The following FAM98B variants were observed in gnomAD, a reference collection of about 807,000 sequenced individuals.
The protein encoded by FAM98B is tRNA-splicing ligase complex subunit FAM98B.
A neutral mutation model predicts 43.9 loss-of-function variants in FAM98B; 32 were observed. That is an observed-to-expected ratio of 0.73 (90% confidence interval 0.55 to 0.98). The LOEUF (loss-of-function observed/expected upper bound fraction) is 0.98, where lower values mean the gene tolerates loss of function less well. Ranked by LOEUF, FAM98B falls within the 50% of genes least tolerant of loss-of-function variation. The pLI, the probability that FAM98B is intolerant of heterozygous loss-of-function variation, is 0.00. For missense variants in FAM98B, 514 were observed against 522.9 expected (o/e 0.98, Z 0.17); for synonymous variants, 190 against 174.0 (o/e 1.09, Z -0.72).
chr15:38,457,535 G>A (rs979891315), intron 1 of FAM98B, among the ~76,000 whole-genome samples: 2 of 152,110 alleles, frequency 1.3e-5, no homozygotes, highest in Non-Finnish European at 2.9e-5. Flanking sequence ...TGTGGTCAGG[G>A]AGCCACATGT....
chr15:38,473,370 G>A, intron 4 of FAM98B, 135 bp from the exon 5 acceptor site: 1 of 595,152 alleles, frequency 1.7e-6, no homozygotes, highest in Non-Finnish European at 2.9e-6. Context: ...TGGTATTCTG[G>A]TATATGATGG....
intron 6 of FAM98B, among the ~76,000 whole-genome samples, chr15:38,477,358 C>G (rs560600211): frequency 6.6e-6 from 1 of 151,586 alleles, no homozygotes; most frequent in Non-Finnish European, 1.5e-5. Context: ...AGCATGTCAC[C>G]AGGGGTTGGA....
At position 38,487,448 on chromosome 15, in the gene FAM98B, T is replaced by A. The variant is rs1890395713; in HGVS notation, c.*2789T>A. 6.6e-6 allele frequency: 1 copy of A among 152,210 alleles called. No homozygotes were observed. The highest frequency in any genetic ancestry group is 2.1e-4 in the South Asian group (1 of 4,834). 9.4% of individuals were successfully genotyped at this position (152,210 alleles called of 1,614,324 possible). ...GGAAGGTGAGCAGGCAGTTTAATCT[T>A]GCCTTCAGGATCAGGCTGTCAGTGT... On this transcript the variant is annotated 3_prime_UTR_variant, in exon 8 of 8. Coordinates refer to ENST00000397609, the MANE Select transcript of FAM98B (RefSeq NM_173611.4).
intron 1 of FAM98B, among the ~76,000 whole-genome samples, chr15:38,454,871 T>G (rs567348704): frequency 1.1e-4 from 17 of 152,234 alleles, no homozygotes; most frequent in Non-Finnish European, 2.1e-4. Context: ...GCTGCAAGTC[T>G]GCTGCCGGCT....
At chr15:38,458,859 A>C (rs1162628185) in intron 1 of FAM98B, 1 of 474,672 alleles carries the variant, frequency 2.1e-6, no homozygotes, top group Admixed American at 2.3e-5. Context: ...TCAAACCAGG[A>C]CTGCACAGGC....
At chr15:38,479,574 A>G (rs1002257045) in intron 6 of FAM98B, among the ~76,000 whole-genome samples, 10 of 152,240 alleles carry the variant, frequency 6.6e-5, no homozygotes, top group African/African-American at 2.4e-4. Flanking sequence ...ATGTAACAGT[A>G]CTAAATTTCT....
intron 1 of FAM98B, among the ~76,000 whole-genome samples, chr15:38,462,975 A>G (rs1395839371): frequency 6.6e-6 from 1 of 152,194 alleles, no homozygotes; most frequent in Non-Finnish European, 1.5e-5. Flanking sequence ...GGGCTACTAT[A>G]AACCAGAGAC....
intron 1 of FAM98B, among the ~76,000 whole-genome samples, chr15:38,462,058 CAGTGAGGT>C (rs1889958146): frequency 6.6e-6 from 1 of 152,118 alleles, no homozygotes; most frequent in African/African-American, 2.4e-5. Flanking sequence ...TGCATCCAGA[CAGTGAGGT>C]AGTATATAAC....
chr15:38,455,072 C>T (rs1198043090), intron 1 of FAM98B, among the ~76,000 whole-genome samples: 1 of 152,166 alleles, frequency 6.6e-6, no homozygotes, highest in African/African-American at 2.4e-5. Context: ...CTCTGCTTCT[C>T]CCTCGTTTTA....
At chr15:38,474,946 G>T (rs960104439) in intron 6 of FAM98B, among the ~76,000 whole-genome samples, 4 of 152,138 alleles carry the variant, frequency 2.6e-5, no homozygotes, top group Non-Finnish European at 4.4e-5. Context: ...TTGATGTCCA[G>T]TGTCTGACCA....
intron 3 of FAM98B, 104 bp downstream of exon 3, chr15:38,465,507 G>C: frequency 2.8e-6 from 3 of 1,070,106 alleles, no homozygotes; most frequent in Non-Finnish European, 3.9e-6. Context: ...TATTAAAAGG[G>C]TTTTAATATT....
At chr15:38,467,230 G>C (rs1011981634) in intron 3 of FAM98B, among the ~76,000 whole-genome samples, 1 of 152,138 alleles carries the variant, frequency 6.6e-6, no homozygotes, top group African/African-American at 2.4e-5. Context: ...CAGTTTGACT[G>C]TTTTAATCAT....
chr15:38,476,333 A>T (rs2141059896), intron 6 of FAM98B, among the ~76,000 whole-genome samples: 1 of 151,890 alleles, frequency 6.6e-6, no homozygotes, highest in Non-Finnish European at 1.5e-5. Flanking sequence ...AAATTGCACA[A>T]TATGTGTTGG....
chr15:38,463,802 A>C (rs1470429660), intron 1 of FAM98B, among the ~76,000 whole-genome samples: 1 of 152,212 alleles, frequency 6.6e-6, no homozygotes, highest in Non-Finnish European at 1.5e-5. Context: ...GGAATCAGCA[A>C]ACCATTTCTT....
intron 1 of FAM98B, among the ~76,000 whole-genome samples, chr15:38,457,066 T>G (rs1042536997): frequency 2.0e-5 from 3 of 152,308 alleles, no homozygotes; most frequent in Non-Finnish European, 4.4e-5. Flanking sequence ...ATTGGAGAAT[T>G]TAGTTAATAG....
At chr15:38,457,926 A>G (rs1889875321) in intron 1 of FAM98B, among the ~76,000 whole-genome samples, 1 of 152,022 alleles carries the variant, frequency 6.6e-6, no homozygotes, top group South Asian at 2.1e-4. Flanking sequence ...AAAAATAATT[A>G]AAGCTAGAGA....
intron 1 of FAM98B, among the ~76,000 whole-genome samples, chr15:38,462,465 A>G (rs549477573): frequency 1.3e-5 from 2 of 152,320 alleles, no homozygotes; most frequent in Admixed American, 1.3e-4. Flanking sequence ...ACAAATGTCT[A>G]TTGATATATT....
In FAM98B at chr15:38,481,329, A is replaced by C; in HGVS notation, c.767A>C (p.Lys256Thr). The change falls in exon 7 of 8, where the codon AAG (lysine) becomes ACG (threonine). Residue 256 changes from lysine to threonine, a missense_variant. Physicochemically the swap from Lys to Thr is moderately conservative, Grantham distance 78. Around this residue, in one of 2 missense-constraint regions of FAM98B, gnomAD observed 469 missense variants for 451.8 expected, o/e 1.04. Coordinates refer to ENST00000397609, the MANE Select transcript of FAM98B (RefSeq NM_173611.4). ...TDDIARIYQPKRYALSPKTTI... is the reference protein window; with the variant it reads ...TDDIARIYQPTRYALSPKTTI... ...GATATAGCAAGAATTTATCAGCCTA[A>C]GCGTTATGCTTTGTCACCCAAGACA... The C allele has an allele frequency of 6.2e-7, 1 of 1,614,134 alleles. No homozygotes were observed. The highest frequency in any genetic ancestry group is 2.2e-5 in the East Asian group (1 of 44,872).
chr15:38,459,217 G>A (rs527728766), intron 1 of FAM98B: 2 of 454,354 alleles, frequency 4.4e-6, no homozygotes, highest in South Asian at 1.7e-5. Context: ...ATGCACAAGG[G>A]CTTCATCCAG....
Sources: allele counts gnomAD v4.1 joint callset (sites outside exome capture counted in the v4.1 genomes callset), GRCh38; gene constraint gnomAD v4.1.1; regional missense constraint gnomAD v4.1.1; transcripts MANE v1.5; gene names NCBI Gene and HGNC (gene_info 2026-07-23, HGNC 2026-07-21).